CDC5L: variants seen among roughly 807,000 people sequenced by gnomAD.
CDC5L encodes cell division cycle 5 like.
Under a neutral mutation model 104.1 loss-of-function variants are expected in CDC5L, and 18 were observed. The ratio of observed to expected loss-of-function variants is 0.17; its 90% CI spans 0.12 to 0.26. The LOEUF (loss-of-function observed/expected upper bound fraction) is 0.26. CDC5L is among the 10% of genes least tolerant of loss of function. The probability of loss-of-function intolerance (pLI) is 1.00; values close to 1 mark genes in which losing one functional copy is unlikely to be tolerated. For synonymous variants in CDC5L, 331 were observed against 322.7 expected, an observed-to-expected ratio of 1.03 and a Z score of -0.28; for missense variants, 673 against 956.9, an observed-to-expected ratio of 0.70 and a Z score of 3.91.
chr6:44,394,417 A>G (rs1310751430), intron 4 of CDC5L, among the ~76,000 whole-genome samples: 1 of 152,198 alleles, frequency 6.6e-6, no homozygotes. Context: ...ATTTGACTAT[A>G]GGCAAGTTAT....
At chr6:44,441,349 C>T (rs1793178854) in intron 14 of CDC5L, among the ~76,000 whole-genome samples, 1 of 152,168 alleles carries the variant, frequency 6.6e-6, no homozygotes, top group South Asian at 2.1e-4. Context: ...GAATAGTATT[C>T]CGTTTTATGT....
At chr6:44,398,345 A>T (rs1384880091) in intron 5 of CDC5L, among the ~76,000 whole-genome samples, 1 of 152,208 alleles carries the variant, frequency 6.6e-6, no homozygotes, top group African/African-American at 2.4e-5. Flanking sequence ...AGAGCCCTTT[A>T]ACCGTGTGGA....
In CDC5L at chr6:44,448,442, A is replaced by G. The variant is rs1010191378; in HGVS notation, c.*1731A>G. On this transcript the variant is annotated 3_prime_UTR_variant, in exon 16 of 16. Transcript: ENST00000371477. Reference sequence around the variant, plus strand: ...TGTGTAAAATCTCACCAGGCTGGAGATAGGGAAGCCAGTCCAATTAGGAGC... The same window carrying G: ...TGTGTAAAATCTCACCAGGCTGGAGGTAGGGAAGCCAGTCCAATTAGGAGC... The G allele has an allele frequency of 4.6e-5, 7 of 152,324 alleles. No individual in the cohort carries two copies. Among genetic ancestry groups the G allele is most frequent in the African/African-American group, 1.7e-4 (7 of 41,578 alleles). The allele number at this position is 152,324 out of a possible 1,614,324, so 9.4% of individuals were successfully genotyped here.
intron 8 of CDC5L, among the ~76,000 whole-genome samples, chr6:44,410,303 TA>T (rs1489483859): frequency 6.6e-6 from 1 of 152,230 alleles, no homozygotes; most frequent in Admixed American, 6.5e-5. Context: ...CACAAATAAG[TA>T]AAATCATGGG....
chr6:44,412,667 C>T (rs1415409968), intron 8 of CDC5L, among the ~76,000 whole-genome samples: 1 of 151,706 alleles, frequency 6.6e-6, no homozygotes. Flanking sequence ...TAATGGAACT[C>T]CTTTCATGGT....
chr6:44,407,612 A>G (rs947931543), intron 7 of CDC5L, among the ~76,000 whole-genome samples: 4 of 152,146 alleles, frequency 2.6e-5, no homozygotes, highest in Non-Finnish European at 4.4e-5. Flanking sequence ...GATTATAGGC[A>G]TGAGCCACCG....
At chr6:44,422,199 A>G (rs1333535143) in intron 9 of CDC5L, among the ~76,000 whole-genome samples, 1 of 152,252 alleles carries the variant, frequency 6.6e-6, no homozygotes, top group African/African-American at 2.4e-5. Context: ...ACTATTTAAT[A>G]AAGTGTGTAC....
Position 44,403,556 on chromosome 6 carries a change from G to A in CDC5L, c.540-253G>A, listed in dbSNP as rs7768693. ...CATTTATTTAATTTATATTTAGTAA[G>A]TACATTTCCATCCAGAGATAAGATA... On this transcript the variant is annotated intron_variant, in intron 5 of 15. Transcript: ENST00000371477. Among the ~76,000 whole-genome samples, 1,108 of 152,138 alleles carry A rather than the reference G, an allele frequency of 7.3e-3. 12 individuals are homozygous for A. The highest frequency in any genetic ancestry group is 0.025 in the African/African-American group (1,043 of 41,518).
rs958338538 is a variant in CDC5L at position 44,449,929 on chromosome 6, A to G, written c.*3218A>G. The stretch of plus-strand genomic sequence containing the variant: ...ACCCAGGCTGGAGTGCAGTAGTGCA[A>G]TCTTGGCCCACTGCAACCTCTGCCT... On this transcript the variant is annotated 3_prime_UTR_variant, in exon 16 of 16. Transcript: ENST00000371477. 4.6e-5 allele frequency: 7 copies of G among 150,706 alleles called. No individual in the cohort carries two copies. In the East Asian group the frequency reaches 5.8e-4, roughly 13 times the overall value. The allele number at this position is 150,706 out of a possible 1,614,324, so 9.3% of individuals were successfully genotyped here. A position where few individuals can be genotyped will look rare whatever the true frequency, so the allele number is the denominator to read the frequency against.
chr6:44,422,339 G>T (rs1792223502), intron 9 of CDC5L, among the ~76,000 whole-genome samples: 1 of 152,194 alleles, frequency 6.6e-6, no homozygotes, highest in Admixed American at 6.5e-5. Context: ...CCTGCCCACT[G>T]CATGTTCTTA....
chr6:44,415,318 A>C (rs981159788), intron 8 of CDC5L, among the ~76,000 whole-genome samples: 4 of 152,376 alleles, frequency 2.6e-5, no homozygotes. Flanking sequence ...AGCCATATGC[A>C]GTAAGTTTGG....
chr6:44,392,444 C>A (rs1790665580), intron 2 of CDC5L, among the ~76,000 whole-genome samples: 1 of 152,038 alleles, frequency 6.6e-6, no homozygotes, highest in Non-Finnish European at 1.5e-5. Context: ...GTGAAGTAAC[C>A]TTTTTTAACC....
intron 8 of CDC5L, among the ~76,000 whole-genome samples, chr6:44,411,586 T>G (rs1042437762): frequency 6.7e-6 from 1 of 148,846 alleles, no homozygotes; most frequent in Non-Finnish European, 1.5e-5. Flanking sequence ...GCCCCTCTGT[T>G]TTTTGTAAAT....
At chr6:44,432,115 C>T (rs1792714387) in intron 14 of CDC5L, among the ~76,000 whole-genome samples, 3 of 152,158 alleles carry the variant, frequency 2.0e-5, no homozygotes, top group Admixed American at 1.3e-4. Context: ...AAACAAACCC[C>T]CATTTTATTT....
chr6:44,426,553 A>C lies in CDC5L; in HGVS notation c.1722A>C (p.Leu574=), dbSNP rs779198084. The C allele has an allele frequency of 6.2e-6, 10 of 1,609,462 alleles. No homozygotes were observed. Among genetic ancestry groups the C allele is most frequent in the Non-Finnish European group, 7.7e-6 (9 of 1,176,064 alleles). The change falls in exon 13 of 16, where the codon CTA becomes CTC. Residue 574 remains leucine (L), a synonymous_variant. Coordinates refer to ENST00000371477, the MANE Select transcript of CDC5L (RefSeq NM_001253.4). ...CAGATTTACAGAAAAGTGAAGAACTAATCAAAAAAGAAATGATCACAATGC... is the reference window on the plus strand; with the variant it reads ...CAGATTTACAGAAAAGTGAAGAACTCATCAAAAAAGAAATGATCACAATGC... ...PLTDLQKSEE[L]IKKEMITMLH... is the part of the protein sequence containing the mutation.
chr6:44,407,082 G>A (rs998143081), intron 7 of CDC5L, among the ~76,000 whole-genome samples: 1 of 152,166 alleles, frequency 6.6e-6, no homozygotes, highest in African/African-American at 2.4e-5. Flanking sequence ...TGTCAACAGG[G>A]TAGGGCTTTA....
At chr6:44,394,594 G>T (rs1156239797) in intron 4 of CDC5L, among the ~76,000 whole-genome samples, 1 of 151,956 alleles carries the variant, frequency 6.6e-6, no homozygotes, top group Non-Finnish European at 1.5e-5. Flanking sequence ...GGTGGCTCAC[G>T]CCTGTAATCC....
At chr6:44,411,001 C>G (rs536169352) in intron 8 of CDC5L, among the ~76,000 whole-genome samples, 2 of 150,390 alleles carry the variant, frequency 1.3e-5, no homozygotes, top group East Asian at 3.9e-4. Flanking sequence ...AAATTTTGTT[C>G]AGTATTTTTT....
At chr6:44,411,637 A>AGAGAGAGAGTGTGTGT in intron 8 of CDC5L, among the ~76,000 whole-genome samples, 10 of 123,646 alleles carry the variant, frequency 8.1e-5, no homozygotes, top group African/African-American at 2.7e-4. Context: ...AGAGAGAGAG[A>AGAGAGAGAGTGTGTGT]GTGTGTGTGT....
Sources: gnomAD v4.1 joint callset for allele counts (sites outside exome capture counted in the v4.1 genomes callset) on GRCh38, gnomAD v4.1.1 for gene constraint, MANE v1.5 for transcripts, NCBI Gene and HGNC (gene_info 2026-07-23, HGNC 2026-07-21) for gene names.